LRP1B: variants seen among roughly 807,000 people sequenced by gnomAD.
LRP1B encodes the protein LDL receptor related protein 1B, also known as low-density lipoprotein receptor-related protein 1B.
A neutral mutation model predicts 556.6 loss-of-function variants in LRP1B; 217 were observed. The observed-to-expected ratio is 0.39, with a 90% CI of 0.35 to 0.44. LRP1B has a LOEUF of 0.44. Ranked by LOEUF, LRP1B falls within the 20% of genes least tolerant of loss-of-function variation. The pLI is 1.00. For synonymous variants in LRP1B, 2,047 were observed against 1,865.8 expected (o/e 1.10, Z -2.50); for missense variants, 5,053 against 5,620.8 (o/e 0.90, Z 3.23).
chr2:140,372,863 A>T, intron 69 of LRP1B, 145 bp downstream of exon 69: 1 of 808,848 alleles, frequency 1.2e-6, no homozygotes, highest in Non-Finnish European at 2.0e-6. Flanking sequence ...CACACTAATT[A>T]ATTTATCCAC....
intron 1 of LRP1B, among the ~76,000 whole-genome samples, chr2:141,937,333 C>G (rs1055218755): frequency 6.6e-6 from 1 of 151,248 alleles, no homozygotes; most frequent in Non-Finnish European, 1.5e-5. Context: ...TGCAGTGAGC[C>G]GAGATCGCGC....
At chr2:140,319,945 A>AT (rs1680010302) in intron 82 of LRP1B, among the ~76,000 whole-genome samples, 1 of 151,996 alleles carries the variant, frequency 6.6e-6, no homozygotes, top group South Asian at 2.1e-4. Context: ...TCTGTTACAA[A>AT]TTTTCCAACC....
Position 141,713,087 on chromosome 2 carries a change from ATT to A in LRP1B, c.205+97190_205+97191del, listed in dbSNP as rs397870971. Among the ~76,000 whole-genome samples the A allele has an allele frequency of 1.1e-4, 15 of 142,612 alleles. No individual in the cohort carries two copies. In the East Asian group the frequency reaches 1.8e-3, roughly 18 times the overall value. The allele number at this position is 142,612 out of a possible 152,430, so 93.6% of individuals were successfully genotyped here. On this transcript the variant is annotated intron_variant, in intron 2 of 90. Coordinates refer to ENST00000389484, the MANE Select transcript of LRP1B (RefSeq NM_018557.3). The stretch of plus-strand genomic sequence containing the variant: ...GCAAATGTTATTTTAAAATAATTTC[ATT>A]TTTTTTTTTTTTGAGACAGGGTCTC...
chr2:141,743,510 T>C (rs897295481), intron 2 of LRP1B, among the ~76,000 whole-genome samples: 11 of 146,128 alleles, frequency 7.5e-5, no homozygotes, highest in Admixed American at 4.1e-4. Flanking sequence ...TCTTTTTTTT[T>C]TTTTTTTGAT....
In LRP1B at chr2:140,730,132, T is replaced by C. The variant is rs532227130; in HGVS notation, c.5759-13316A>G. Among the ~76,000 whole-genome samples, 9 of 152,340 alleles carry C rather than the reference T, an allele frequency of 5.9e-5. No homozygotes were observed. In the South Asian group the frequency reaches 6.2e-4, roughly 11 times the overall value. ...TTTATTTATATTTCAAATCTACATA[T>C]ACCACTACAGTTTCATTCAGGTTCT... is the stretch of plus-strand genomic sequence containing the variant. On this transcript the variant is annotated intron_variant, in intron 35 of 90. Coordinates refer to ENST00000389484, the MANE Select transcript of LRP1B (RefSeq NM_018557.3).
intron 3 of LRP1B, among the ~76,000 whole-genome samples, chr2:141,361,706 C>G (rs937890664): frequency 6.6e-6 from 1 of 152,096 alleles, no homozygotes; most frequent in African/African-American, 2.4e-5. Context: ...TTCAAGGTAT[C>G]TTTTAATACC....
At chr2:140,504,005 CCTT>C (rs1216846011) in intron 53 of LRP1B, among the ~76,000 whole-genome samples, 2 of 152,056 alleles carry the variant, frequency 1.3e-5, no homozygotes, top group African/African-American at 2.4e-5. Flanking sequence ...TCTCTCTCCT[CCTT>C]CATTAGTTCC....
intron 77 of LRP1B, among the ~76,000 whole-genome samples, chr2:140,346,597 C>A (rs898116579): frequency 6.6e-6 from 1 of 151,812 alleles, no homozygotes; most frequent in Non-Finnish European, 1.5e-5. Context: ...TTTACCAGTA[C>A]CCAAATGTTC....
chr2:140,562,299 A>T (rs1680960134), intron 43 of LRP1B, among the ~76,000 whole-genome samples: 1 of 152,162 alleles, frequency 6.6e-6, no homozygotes, highest in Admixed American at 6.6e-5. Context: ...AAATATACTA[A>T]TGGTTTTGCA....
intron 41 of LRP1B, among the ~76,000 whole-genome samples, chr2:140,662,559 G>T (rs1233551253): frequency 6.6e-6 from 1 of 152,114 alleles, no homozygotes; most frequent in Non-Finnish European, 1.5e-5. Context: ...GAAAGGCCTG[G>T]AATTTACTAG....
chr2:142,049,657 A>T (rs1574632425), intron 1 of LRP1B, among the ~76,000 whole-genome samples: 1 of 152,094 alleles, frequency 6.6e-6, no homozygotes, highest in Non-Finnish European at 1.5e-5. Context: ...ATTGTCTTTA[A>T]AAGGTTTCAT....
chr2:141,849,945 T>A (rs182388006), intron 1 of LRP1B, among the ~76,000 whole-genome samples: 78 of 151,812 alleles, frequency 5.1e-4, no homozygotes, highest in Non-Finnish European at 8.4e-4. Flanking sequence ...TGGCATAAGT[T>A]AATGTTTCAC....
intron 2 of LRP1B, among the ~76,000 whole-genome samples, chr2:141,627,171 T>C (rs1244619770): frequency 6.6e-6 from 1 of 152,152 alleles, no homozygotes; most frequent in African/African-American, 2.4e-5. Context: ...AAGTGCATAA[T>C]ACTAAATGGG....
intron 3 of LRP1B, among the ~76,000 whole-genome samples, chr2:141,391,472 G>A (rs4245854): frequency 0.46 from 70,276 of 151,888 alleles, 17,261 homozygotes; most frequent in Non-Finnish European, 0.56. Context: ...AGATGGTGGC[G>A]TGTTTGAGAA....
At chr2:140,930,016 G>A (rs541217236) in intron 20 of LRP1B, among the ~76,000 whole-genome samples, 1 of 152,104 alleles carries the variant, frequency 6.6e-6, no homozygotes, top group African/African-American at 2.4e-5. Context: ...TCCTCCGGAT[G>A]GAGAGCTACA....
At chr2:141,742,728 T>C (rs79384930) in intron 2 of LRP1B, among the ~76,000 whole-genome samples, 5,758 of 152,246 alleles carry the variant, frequency 0.038, 345 homozygotes, top group African/African-American at 0.13. Context: ...TTTAACAATA[T>C]TGTTTCTTCA....
At chr2:141,656,369 T>G (rs140109616) in intron 2 of LRP1B, among the ~76,000 whole-genome samples, 22 of 152,302 alleles carry the variant, frequency 1.4e-4, no homozygotes, top group South Asian at 1.2e-3. Context: ...AAGATAAATG[T>G]TTCATCTATC....
rs777247612 is a variant in LRP1B at position 141,229,429 on chromosome 2, T to C, written c.604A>G (p.Arg202Gly). ...SCKAKIEPTD[R>G]PPILLIANFE... ...TTTGCAATTAATAGTATAGGTGGTC[T>C]ATCTGTAGGTTCTGGAATAAAATAG... Residue 202 changes from arginine to glycine, a missense_variant, in exon 6 of 91, where the codon AGA becomes GGA. By Grantham distance (125) the Arg-to-Gly change is moderately radical (BLOSUM62 -2). Around this residue, in one of 5 missense-constraint regions of LRP1B, gnomAD observed 3,619 missense variants for 3,931.9 expected, o/e 0.92. Transcript: ENST00000389484. The C allele has an allele frequency of 3.4e-5, 53 of 1,558,434 alleles. No individual in the cohort carries two copies. The highest frequency in any genetic ancestry group is 4.5e-5 in the Non-Finnish European group (51 of 1,140,496).
intron 27 of LRP1B, among the ~76,000 whole-genome samples, chr2:140,857,397 G>A (rs917990678): frequency 6.6e-6 from 1 of 152,056 alleles, no homozygotes. Flanking sequence ...TTTAGGAAAG[G>A]ACTTATTAGT....
Sources: gnomAD v4.1 joint callset for allele counts (sites outside exome capture counted in the v4.1 genomes callset) on GRCh38, gnomAD v4.1.1 for gene constraint, gnomAD v4.1.1 regional missense constraint, MANE v1.5 for transcripts, NCBI Gene and HGNC (gene_info 2026-07-23, HGNC 2026-07-21) for gene names.